The following DACH2 variants were observed in gnomAD, a reference collection of about 807,000 sequenced individuals.
DACH2 encodes the protein dachshund family transcription factor 2, also known as dachshund homolog 2.
A neutral mutation model predicts 35.8 loss-of-function variants in DACH2; 17 were observed. That is an observed-to-expected ratio of 0.48 (90% CI 0.33 to 0.71). The LOEUF (loss-of-function observed/expected upper bound fraction) is 0.71, where lower values mean the gene tolerates loss of function less well. DACH2 is among the 30% of genes least tolerant of loss of function. DACH2 has a pLI of 0.02. For missense variants in DACH2, 469 were observed against 472.7 expected (o/e 0.99, Z 0.07); for synonymous variants, 195 against 177.3 (o/e 1.10, Z -0.79).
intron 3 of DACH2, among the ~76,000 whole-genome samples, chrX:86,523,821 G>A (rs1482060378): frequency 1.8e-5 from 2 of 110,792 alleles, no homozygotes; most frequent in Admixed American, 9.6e-5. Context: ...GGAGCAATTG[G>A]GGAAGTCACA....
intron 1 of DACH2, among the ~76,000 whole-genome samples, chrX:86,271,126 C>T (rs2033807531): frequency 9.0e-6 from 1 of 111,064 alleles, no homozygotes; most frequent in African/African-American, 3.3e-5. Context: ...CACAGCAACC[C>T]TATAACAAAT....
intron 5 of DACH2, among the ~76,000 whole-genome samples, chrX:86,696,255 A>G (rs1807018379): frequency 1.8e-5 from 2 of 111,906 alleles, no homozygotes; most frequent in Admixed American, 1.9e-4. Context: ...ACATTTTAAT[A>G]TGATGTTCCA....
chrX:86,282,859 G>A (rs1415287616), intron 1 of DACH2, among the ~76,000 whole-genome samples: 1 of 30,757 alleles, frequency 3.3e-5, no homozygotes, highest in Non-Finnish European at 4.7e-5. Context: ...CTCACTGCAA[G>A]CTCCGCCTCC....
intron 3 of DACH2, among the ~76,000 whole-genome samples, chrX:86,553,900 A>G (rs989862759): frequency 4.5e-5 from 5 of 111,271 alleles, no homozygotes; most frequent in African/African-American, 9.8e-5. Flanking sequence ...TAGGGAAAAA[A>G]ACTCCACAAC....
intron 2 of DACH2, among the ~76,000 whole-genome samples, chrX:86,400,142 C>T (rs1171680609): frequency 2.7e-5 from 3 of 111,732 alleles, no homozygotes; most frequent in Admixed American, 9.5e-5. Flanking sequence ...CATCTTCCAT[C>T]ACTGATACCC....
At chrX:86,282,467 T>C (rs1056563543) in intron 1 of DACH2, among the ~76,000 whole-genome samples, 3 of 111,529 alleles carry the variant, frequency 2.7e-5, no homozygotes, top group African/African-American at 9.8e-5. Context: ...AAAAGGAAAC[T>C]GGTCCCCTTC....
At chrX:86,567,755 T>C (rs1395637597) in intron 3 of DACH2, among the ~76,000 whole-genome samples, 8 of 111,226 alleles carry the variant, frequency 7.2e-5, no homozygotes, top group African/African-American at 2.3e-4. Flanking sequence ...TGTTAAACTG[T>C]AGGGTTGGTC....
intron 11 of DACH2, among the ~76,000 whole-genome samples, chrX:86,826,111 T>C (rs921150097): frequency 9.0e-6 from 1 of 111,425 alleles, no homozygotes; most frequent in Non-Finnish European, 1.9e-5. Flanking sequence ...TGTGTAAAAC[T>C]TCCTCTAAAG....
At chrX:86,753,775 G>T (rs181844368) in intron 7 of DACH2, among the ~76,000 whole-genome samples, 2 of 110,829 alleles carry the variant, frequency 1.8e-5, no homozygotes, top group Non-Finnish European at 3.8e-5. Context: ...GAGTAAAGTT[G>T]TGTTTGTTTA....
intron 3 of DACH2, among the ~76,000 whole-genome samples, chrX:86,649,625 A>G (rs1157856557): frequency 2.7e-5 from 3 of 110,934 alleles, no homozygotes; most frequent in African/African-American, 6.5e-5. Flanking sequence ...TTCCCTTCAG[A>G]TTTTTTCTTT....
At chrX:86,409,231 G>A (rs890551813) in intron 2 of DACH2, among the ~76,000 whole-genome samples, 1 of 111,152 alleles carries the variant, frequency 9.0e-6, no homozygotes, top group Admixed American at 9.6e-5. Flanking sequence ...AGGTTGCAAA[G>A]GTCTAGTGTG....
chrX:86,616,654 T>C (rs1308597637), intron 3 of DACH2, among the ~76,000 whole-genome samples: 5 of 112,482 alleles, frequency 4.4e-5, no homozygotes, highest in African/African-American at 1.3e-4. Flanking sequence ...TCCTTATAGA[T>C]GCTACATATT....
chrX:86,421,365 G>C (rs1359038714), intron 2 of DACH2, among the ~76,000 whole-genome samples: 1 of 111,263 alleles, frequency 9.0e-6, no homozygotes, highest in African/African-American at 3.3e-5. Flanking sequence ...GTTAAGTAAA[G>C]AGGTAGGTCT....
intron 1 of DACH2, among the ~76,000 whole-genome samples, chrX:86,346,473 G>C (rs1038853160): frequency 4.5e-5 from 5 of 109,969 alleles, no homozygotes; most frequent in Non-Finnish European, 5.7e-5. Context: ...ATTTTCTTCT[G>C]AAGATAAAAT....
intron 1 of DACH2, among the ~76,000 whole-genome samples, chrX:86,373,166 T>C (rs1320168117): frequency 1.8e-5 from 2 of 110,755 alleles, no homozygotes; most frequent in South Asian, 7.6e-4. Flanking sequence ...GTAGAAAAAT[T>C]TATTTTCCTT....
At chrX:86,751,832 C>A (rs6623768) in intron 7 of DACH2, among the ~76,000 whole-genome samples, 17,759 of 111,113 alleles carry the variant, frequency 0.16, 1,210 homozygotes, top group South Asian at 0.42. Flanking sequence ...AATATGAAAT[C>A]AACCTAGCTG....
At chrX:86,240,497 C>T (rs955331864) in intron 1 of DACH2, among the ~76,000 whole-genome samples, 1 of 107,284 alleles carries the variant, frequency 9.3e-6, no homozygotes, top group Non-Finnish European at 1.9e-5. Context: ...GAGACATAGT[C>T]TTGCTCTGTC....
intron 4 of DACH2, among the ~76,000 whole-genome samples, chrX:86,667,344 A>C: frequency 1.2e-5 from 1 of 82,598 alleles, no homozygotes. Context: ...GAAGGAAGGA[A>C]GGAAGGAAGG....
intron 4 of DACH2, among the ~76,000 whole-genome samples, chrX:86,680,353 G>A (rs1282106173): frequency 8.9e-6 from 1 of 111,809 alleles, no homozygotes; most frequent in African/African-American, 3.2e-5. Context: ...GAAAACTGCA[G>A]CTAAACTATT....
Sources: gnomAD v4.1 joint callset for allele counts (sites outside exome capture counted in the v4.1 genomes callset) on GRCh38, gnomAD v4.1.1 for gene constraint, MANE v1.5 for transcripts, NCBI Gene and HGNC (gene_info 2026-07-23, HGNC 2026-07-21) for gene names.